MTNR1A: variants seen among roughly 807,000 people sequenced by gnomAD.
The protein encoded by MTNR1A is melatonin receptor 1A, also known as melatonin receptor type 1A.
Under a neutral mutation model 5.5 loss-of-function variants are expected in MTNR1A, and 7 were observed. That is an observed-to-expected ratio of 1.28 (90% CI 0.73 to 2.40). The LOEUF (loss-of-function observed/expected upper bound fraction) is 2.40. MTNR1A is among the 30% of genes most tolerant of loss of function. MTNR1A has a pLI of 0.00. For missense variants in MTNR1A, 441 were observed against 464.4 expected (o/e 0.95, Z 0.46); for synonymous variants, 196 against 202.7 (o/e 0.97, Z 0.28).
chr4:186,548,826 T>C (rs1398005074), intron 1 of MTNR1A, among the ~76,000 whole-genome samples: 5 of 92,760 alleles, frequency 5.4e-5, no homozygotes, highest in African/African-American at 1.7e-4. Context: ...TATATATATA[T>C]ATATATATAT....
intron 1 of MTNR1A, among the ~76,000 whole-genome samples, chr4:186,548,836 T>TATAG (rs1737209734): frequency 9.6e-6 from 1 of 103,756 alleles, no homozygotes; most frequent in African/African-American, 4.0e-5. Context: ...TATATATATA[T>TATAG]ATATATATAT....
intron 1 of MTNR1A, among the ~76,000 whole-genome samples, chr4:186,554,669 C>T (rs935881016): frequency 2.0e-5 from 3 of 152,200 alleles, no homozygotes; most frequent in African/African-American, 7.2e-5. Flanking sequence ...GAGGAGCCGC[C>T]GCCTGCCGGA....
chr4:186,551,413 G>GT lies in MTNR1A; in HGVS notation c.184+3768dup, dbSNP rs1236034199. 6.4e-3 allele frequency among the ~76,000 whole-genome samples: 917 copies of GT among 142,900 alleles called. 9 individuals carry two copies. The highest frequency in any genetic ancestry group is 0.021 in the African/African-American group (779 of 36,754). 93.7% of individuals were successfully genotyped at this position (142,900 alleles called of 152,430 possible). A position where few individuals can be genotyped will look rare whatever the true frequency, so the allele number is the denominator to read the frequency against. ...GTTTTCCAGTTCATATTGTCTACTT[G>GT]TTTTTTTTTTTAAACATACACTTAA... is the stretch of plus-strand genomic sequence containing the variant. On this transcript the variant is annotated intron_variant, in intron 1 of 1. Transcript: ENST00000307161.
intron 1 of MTNR1A, among the ~76,000 whole-genome samples, chr4:186,548,814 T>TATAG (rs1560898049): frequency 1.6e-5 from 1 of 63,400 alleles, no homozygotes; most frequent in African/African-American, 7.5e-5. Context: ...TATAAAGATA[T>TATAG]ATATATATAT....
Position 186,533,717 on chromosome 4 carries a change from T to C in MTNR1A, c.1025A>G (p.Asn342Ser), listed in dbSNP as rs964111881. 6.2e-7 allele frequency: 1 copy of C among 1,614,174 alleles called. No individual in the cohort carries two copies. The highest frequency in any genetic ancestry group is 2.2e-5 in the East Asian group (1 of 44,882). ...AACGGAGTCCACCTTTACTACATTA[T>C]TGTTGGTCATCAGTGGAGACGGTTT... ...KWKPSPLMTN[N>S]NVVKVDSV is the part of the protein sequence containing the mutation. The change falls in exon 2 of 2, where the codon AAT (asparagine) becomes AGT (serine). Residue 342 changes from asparagine to serine, a missense_variant. Asn to Ser is a conservative substitution (Grantham distance 46). Coordinates refer to ENST00000307161, the MANE Select transcript of MTNR1A (RefSeq NM_005958.4).
intron 1 of MTNR1A, 141 bp from the exon 2 acceptor site, chr4:186,534,698 C>G (rs2111364690): frequency 3.3e-6 from 3 of 906,594 alleles, no homozygotes; most frequent in Non-Finnish European, 4.7e-6. Context: ...GAAGTGGAGG[C>G]CGTTTCCCAG....
chr4:186,538,666 A>T (rs1449307138), intron 1 of MTNR1A, among the ~76,000 whole-genome samples: 1 of 152,228 alleles, frequency 6.6e-6, no homozygotes, highest in Non-Finnish European at 1.5e-5. Flanking sequence ...CACAGAAGCG[A>T]AAACCTCAAA....
chr4:186,541,783 C>T (rs1233758762), intron 1 of MTNR1A, among the ~76,000 whole-genome samples: 1 of 152,254 alleles, frequency 6.6e-6, no homozygotes, highest in South Asian at 2.1e-4. Context: ...GAAACCATTC[C>T]CCCACCCTGT....
chr4:186,534,679 A>C, intron 1 of MTNR1A, 122 bp from the exon 2 acceptor site: 1 of 1,206,532 alleles, frequency 8.3e-7, no homozygotes, highest in Non-Finnish European at 1.2e-6. Context: ...CGGCGGCCGC[A>C]CTGCAAATGA....
chr4:186,534,219 A>AGAT lies in MTNR1A; in HGVS notation c.520_522dup (p.Ile174dup). ...ACGGACTGGGCGAAGGTGCACGAGTAGATCCTCGGGTCGTACTGGAGAGTC... is the reference window on the plus strand; with the variant it reads ...ACGGACTGGGCGAAGGTGCACGAGTAGATGATCCTCGGGTCGTACTGGAGAGTC... On this transcript the variant is annotated inframe_insertion, in exon 2 of 2. Transcript: ENST00000307161. The AGAT allele has an allele frequency of 6.2e-7, 1 of 1,614,104 alleles. No individual in the cohort carries two copies.
At chr4:186,537,203 C>T (rs548631167) in intron 1 of MTNR1A, among the ~76,000 whole-genome samples, 14 of 152,126 alleles carry the variant, frequency 9.2e-5, no homozygotes, top group Non-Finnish European at 1.6e-4. Context: ...CCCACAGGTG[C>T]GGCTGTCAGG....
chr4:186,551,045 C>T (rs956530129), intron 1 of MTNR1A, among the ~76,000 whole-genome samples: 14 of 152,212 alleles, frequency 9.2e-5, no homozygotes, highest in African/African-American at 3.4e-4. Context: ...AGGAGGGAAA[C>T]TACAGCAGCG....
chr4:186,554,168 A>G (rs1737322731), intron 1 of MTNR1A, among the ~76,000 whole-genome samples: 1 of 145,846 alleles, frequency 6.9e-6, no homozygotes, highest in African/African-American at 2.5e-5. Context: ...CTCAAACTCA[A>G]TTCATATTAC....
At chr4:186,535,599 C>T (rs558032811) in intron 1 of MTNR1A, among the ~76,000 whole-genome samples, 16 of 152,148 alleles carry the variant, frequency 1.1e-4, no homozygotes, top group Admixed American at 3.9e-4. Context: ...TTTGTAGAGA[C>T]GGGGTTTTGC....
chr4:186,545,660 G>A (rs1167332558), intron 1 of MTNR1A, among the ~76,000 whole-genome samples: 2 of 152,126 alleles, frequency 1.3e-5, no homozygotes, highest in Admixed American at 6.6e-5. Context: ...CTTTAACCAC[G>A]TGGAAAGCAA....
intron 1 of MTNR1A, among the ~76,000 whole-genome samples, chr4:186,547,780 A>G (rs1007071690): frequency 1.3e-5 from 2 of 152,224 alleles, no homozygotes; most frequent in South Asian, 4.1e-4. Context: ...TGTATATACA[A>G]TACGAGAGAC....
Position 186,555,213 on chromosome 4 carries a change from C to A in MTNR1A, c.153G>T (p.Ser51=). ...DILGNLLVIL[S]VYRNKKLRNA... is the part of the protein sequence containing the mutation. ...TCCTGAGCTTCTTGTTCCGATACAC[C>A]GACAGGATGACCAGGAGGTTGCCCA... The change falls in exon 1 of 2, where the codon TCG becomes TCT. Residue 51 remains serine, a synonymous_variant. Coordinates refer to ENST00000307161, the MANE Select transcript of MTNR1A (RefSeq NM_005958.4). This position sits in a 1 kb window ranked among gnomAD's most constrained non-coding sequence, Gnocchi z 4.1. 1 of 1,594,640 alleles carries A rather than the reference C, an allele frequency of 6.3e-7. No individual in the cohort carries two copies. Among genetic ancestry groups the A allele is most frequent in the Non-Finnish European group, 8.5e-7 (1 of 1,171,300 alleles).
intron 1 of MTNR1A, among the ~76,000 whole-genome samples, chr4:186,545,494 T>A (rs1319358378): frequency 6.6e-6 from 1 of 152,172 alleles, no homozygotes; most frequent in Admixed American, 6.5e-5. Context: ...TATTAGGTGC[T>A]CGGAAATAAT....
At chr4:186,547,968 C>G (rs1368657029) in intron 1 of MTNR1A, among the ~76,000 whole-genome samples, 1 of 152,198 alleles carries the variant, frequency 6.6e-6, no homozygotes, top group African/African-American at 2.4e-5. Context: ...AAAACATCCA[C>G]AGTACAGCCT....
Sources: allele counts gnomAD v4.1 joint callset (sites outside exome capture counted in the v4.1 genomes callset), GRCh38; gene constraint gnomAD v4.1.1; non-coding constraint Gnocchi (gnomAD v3.1); transcripts MANE v1.5; gene names NCBI Gene and HGNC (gene_info 2026-07-23, HGNC 2026-07-21).